The following RGS8 variants were observed in gnomAD, a reference collection of about 807,000 sequenced individuals.
RGS8 encodes regulator of G-protein signaling 8.
RGS8 carries 8 observed loss-of-function variants against 21.7 expected under a neutral mutation model. That is an observed-to-expected ratio of 0.37 (90% confidence interval 0.22 to 0.66). RGS8 has a LOEUF of 0.66. RGS8 is among the 30% of genes least tolerant of loss of function. The pLI, the probability that RGS8 is intolerant of heterozygous loss-of-function variation, is 0.59. For synonymous variants in RGS8, 80 were observed against 83.6 expected, an observed-to-expected ratio of 0.96 and a Z score of 0.24; for missense variants, 157 against 217.9, an observed-to-expected ratio of 0.72 and a Z score of 1.76.
chr1:182,690,163 T>C, the RGS8 span, among the ~76,000 whole-genome samples: 2 of 151,950 alleles, frequency 1.3e-5, no homozygotes, highest in Admixed American at 1.3e-4. Context: ...TCTCATAGGG[T>C]TGTAAAGAGA....
chr1:182,712,594 C>CTG, the RGS8 span, among the ~76,000 whole-genome samples: 3 of 152,186 alleles, frequency 2.0e-5, no homozygotes, highest in African/African-American at 7.2e-5. Context: ...AATACCCACA[C>CTG]TTTATTATAA....
chr1:182,653,581 T>C (rs2023594), intron 5 of RGS8, among the ~76,000 whole-genome samples: 114,949 of 152,014 alleles, frequency 0.76, 43,527 homozygotes, highest in Non-Finnish European at 0.78. Context: ...GTAATCCCAG[T>C]TACTCAGGAG....
At chr1:182,679,616 T>A (rs1664476123) in intron 1 of RGS8, among the ~76,000 whole-genome samples, 1 of 152,088 alleles carries the variant, frequency 6.6e-6, no homozygotes, top group Non-Finnish European at 1.5e-5. Context: ...TCTAAATATT[T>A]TTGTCCAACT....
upstream of RGS8, among the ~76,000 whole-genome samples, chr1:182,675,016 G>T (rs564573085): frequency 2.6e-5 from 4 of 152,270 alleles, 1 homozygote; most frequent in South Asian, 8.3e-4. Flanking sequence ...TGCCTCTTCA[G>T]CTCTAGGCCG....
chr1:182,669,559 G>A, intron 3 of RGS8, 65 bp downstream of exon 4: 1 of 1,610,574 alleles, frequency 6.2e-7, no homozygotes, highest in Non-Finnish European at 8.5e-7. Flanking sequence ...AATAACAGAG[G>A]GTGTGACAAG....
chr1:182,687,937 G>C (rs1664742100), upstream of RGS8, among the ~76,000 whole-genome samples: 1 of 152,212 alleles, frequency 6.6e-6, no homozygotes, highest in East Asian at 1.9e-4. Context: ...CCTTAGTGAA[G>C]AGGGATTGGA....
chr1:182,711,390 C>T, the RGS8 span, among the ~76,000 whole-genome samples: 1 of 152,278 alleles, frequency 6.6e-6, no homozygotes, highest in African/African-American at 2.4e-5. Context: ...TTCCAAGAGT[C>T]CTTTTCAAAA....
At chr1:182,710,844 T>G in the RGS8 span, among the ~76,000 whole-genome samples, 3 of 152,120 alleles carry the variant, frequency 2.0e-5, no homozygotes. Flanking sequence ...TTCAACAAAC[T>G]CTCCAAAAAG....
chr1:182,747,082 T>G, the RGS8 span, among the ~76,000 whole-genome samples: 2 of 127,200 alleles, frequency 1.6e-5, no homozygotes, highest in African/African-American at 3.2e-5. Context: ...TTTTTTTTTG[T>G]AGAGATGGAG....
the RGS8 span, among the ~76,000 whole-genome samples, chr1:182,708,580 G>A: frequency 6.6e-6 from 1 of 152,224 alleles, no homozygotes; most frequent in Non-Finnish European, 1.5e-5. Flanking sequence ...AGAAATAAGG[G>A]CAGGATAATT....
chr1:182,716,474 GTT>G, the RGS8 span, among the ~76,000 whole-genome samples: 2,034 of 147,754 alleles, frequency 0.014, 46 homozygotes, highest in African/African-American at 0.048. Context: ...ATTTTTTATT[GTT>G]TTTTTTTTCT....
At chr1:182,719,742 A>G in the RGS8 span, among the ~76,000 whole-genome samples, 5 of 151,476 alleles carry the variant, frequency 3.3e-5, no homozygotes, top group Non-Finnish European at 5.9e-5. Flanking sequence ...TTTCATTTAC[A>G]TAGACTGGGG....
chr1:182,737,432 G>A, the RGS8 span, among the ~76,000 whole-genome samples: 43 of 152,070 alleles, frequency 2.8e-4, 1 homozygote, highest in Admixed American at 1.8e-3. Flanking sequence ...CCCATGTGTC[G>A]TGGGAGGGAC....
At chr1:182,693,765 T>G in the RGS8 span, among the ~76,000 whole-genome samples, 4 of 152,340 alleles carry the variant, frequency 2.6e-5, no homozygotes, top group East Asian at 7.7e-4. Context: ...ATGTGGTACA[T>G]GTATACCATT....
At chr1:182,661,555 G>T (rs1663587285) in intron 5 of RGS8, among the ~76,000 whole-genome samples, 1 of 151,948 alleles carries the variant, frequency 6.6e-6, no homozygotes, top group South Asian at 2.1e-4. Flanking sequence ...GAGGGAGGAA[G>T]GGAGGAAGGA....
intron 1 of RGS8, among the ~76,000 whole-genome samples, chr1:182,681,376 G>A (rs1159951576): frequency 1.3e-5 from 2 of 152,228 alleles, no homozygotes; most frequent in African/African-American, 4.8e-5. Flanking sequence ...AGAGTCTACA[G>A]CTGTGGGCAG....
At chr1:182,695,340 C>A in the RGS8 span, among the ~76,000 whole-genome samples, 4 of 152,148 alleles carry the variant, frequency 2.6e-5, no homozygotes, top group African/African-American at 9.7e-5. Context: ...TAATAAATAG[C>A]CACAACTCAC....
At chr1:182,749,608 T>A in the RGS8 span, among the ~76,000 whole-genome samples, 1 of 152,208 alleles carries the variant, frequency 6.6e-6, no homozygotes, top group East Asian at 1.9e-4. Context: ...TTTTAGGATT[T>A]TTTTTCTATT....
At chr1:182,680,039 C>T (rs981692722) in intron 1 of RGS8, among the ~76,000 whole-genome samples, 4 of 152,290 alleles carry the variant, frequency 2.6e-5, no homozygotes, top group African/African-American at 4.8e-5. Context: ...CCTCCATCCT[C>T]GCTACCACTG....
Sources: allele counts gnomAD v4.1 joint callset (sites outside exome capture counted in the v4.1 genomes callset), GRCh38; gene constraint gnomAD v4.1.1; transcripts MANE v1.5; gene names NCBI Gene and HGNC (gene_info 2026-07-23, HGNC 2026-07-21).